CASQ2: variants seen among roughly 807,000 people sequenced by gnomAD.
The protein encoded by CASQ2 is calsequestrin 2.
Under a neutral mutation model 46.5 loss-of-function variants are expected in CASQ2, and 49 were observed. The ratio of observed to expected loss-of-function variants is 1.05; its 90% CI spans 0.84 to 1.34. The LOEUF (loss-of-function observed/expected upper bound fraction) is 1.34, where lower values mean the gene tolerates loss of function less well. CASQ2 is among the 40% of genes most tolerant of loss of function. The pLI is 0.00. For synonymous variants in CASQ2, 174 were observed against 168.5 expected (o/e 1.03, Z -0.25); for missense variants, 486 against 481.3 (o/e 1.01, Z -0.09).
At chr1:115,728,764 C>A (rs1647680700) in intron 5 of CASQ2, among the ~76,000 whole-genome samples, 1 of 152,114 alleles carries the variant, frequency 6.6e-6, no homozygotes, top group Non-Finnish European at 1.5e-5. Context: ...GAACCTGAGG[C>A]ACAATTTGGG....
At chr1:115,743,766 A>AT (rs35505775) in intron 2 of CASQ2, among the ~76,000 whole-genome samples, 106,855 of 149,126 alleles carry the variant, frequency 0.72, 41,694 homozygotes, top group Non-Finnish European at 0.88. Context: ...ATAACCCGCT[A>AT]TTTTTTTTAA....
At chr1:115,702,258 T>C (rs1654226311) in intron 10 of CASQ2, among the ~76,000 whole-genome samples, 1 of 152,196 alleles carries the variant, frequency 6.6e-6, no homozygotes, top group African/African-American at 2.4e-5. Flanking sequence ...CTTAATTAAG[T>C]ATGGCTCTAA....
chr1:115,759,995 G>T (rs1229040598), intron 1 of CASQ2, among the ~76,000 whole-genome samples: 1 of 152,192 alleles, frequency 6.6e-6, no homozygotes, highest in African/African-American at 2.4e-5. Context: ...TACTTCTCAA[G>T]TCCCAGATCA....
At position 115,742,851 on chromosome 1, in the gene CASQ2, C is replaced by T. The variant is rs148452678; in HGVS notation, c.319+1977G>A. Among the ~76,000 whole-genome samples the T allele has an allele frequency of 2.7e-3, 404 of 152,112 alleles. 3 individuals carry two copies. Among genetic ancestry groups the T allele is most frequent in the African/African-American group, 9.3e-3 (384 of 41,502 alleles). On this transcript the variant is annotated intron_variant, in intron 2 of 10. Coordinates refer to ENST00000261448, the MANE Select transcript of CASQ2 (RefSeq NM_001232.4). ...TCTCCCAGGCTGGAGTGCAGTGGTGCGATCTCGGCTCACTGCAAGCTCTGC... is the reference window on the plus strand; with the variant it reads ...TCTCCCAGGCTGGAGTGCAGTGGTGTGATCTCGGCTCACTGCAAGCTCTGC...
rs776715727 is a variant in CASQ2 at position 115,702,916 on chromosome 1, C to G, written c.1014+5G>C. 1 of 1,610,724 alleles carries G rather than the reference C, an allele frequency of 6.2e-7. No individual in the cohort carries two copies. The highest frequency in any genetic ancestry group is 8.5e-7 in the Non-Finnish European group (1 of 1,177,538). ...CCTGAGCAAGCCTTCACAGGGGATACTCACATCTGTGACATTCACCACCCC... is the reference window on the plus strand; with the variant it reads ...CCTGAGCAAGCCTTCACAGGGGATAGTCACATCTGTGACATTCACCACCCC... On this transcript the variant is annotated splice_donor_5th_base_variant and intron_variant, in intron 10 of 10. Coordinates refer to ENST00000261448, the MANE Select transcript of CASQ2 (RefSeq NM_001232.4).
chr1:115,755,107 T>C (rs1309602038), intron 1 of CASQ2, among the ~76,000 whole-genome samples: 1 of 152,232 alleles, frequency 6.6e-6, no homozygotes, highest in Non-Finnish European at 1.5e-5. Context: ...CAATCTTTTA[T>C]TGCGTAGCAT....
At chr1:115,745,153 G>A (rs1455133618) in intron 1 of CASQ2, among the ~76,000 whole-genome samples, 3 of 152,140 alleles carry the variant, frequency 2.0e-5, no homozygotes, top group Admixed American at 6.5e-5. Context: ...AGAAAATTTG[G>A]AAGAATATAT....
At position 115,700,645 on chromosome 1, in the gene CASQ2, G is replaced by A. The variant is rs1654176732; in HGVS notation, c.*596C>T. 5.0e-6 allele frequency: 1 copy of A among 201,634 alleles called. No individual in the cohort carries two copies. The highest frequency in any genetic ancestry group is 1.2e-4 in the South Asian group (1 of 8,054). 12.5% of individuals were successfully genotyped at this position (201,634 alleles called of 1,614,324 possible). A position where few individuals can be genotyped will look rare whatever the true frequency, so the allele number is the denominator to read the frequency against. ...GCCATCCAAAGGCTTGAATATCCAA[G>A]TTCATAGTGATATGAATGACCATCA... On this transcript the variant is annotated 3_prime_UTR_variant, in exon 11 of 11. Coordinates refer to ENST00000261448, the MANE Select transcript of CASQ2 (RefSeq NM_001232.4).
intron 2 of CASQ2, among the ~76,000 whole-genome samples, chr1:115,743,394 C>T (rs9919222): frequency 0.016 from 2,438 of 152,106 alleles, 77 homozygotes; most frequent in African/African-American, 0.056. Flanking sequence ...CAGGCACATG[C>T]CACCATGCCC....
At chr1:115,707,739 TAAAG>T (rs1163401477) in intron 8 of CASQ2, among the ~76,000 whole-genome samples, 4 of 152,054 alleles carry the variant, frequency 2.6e-5, no homozygotes, top group Admixed American at 2.0e-4. Flanking sequence ...CTGCAGAAAA[TAAAG>T]AAATGATAAT....
intron 1 of CASQ2, among the ~76,000 whole-genome samples, chr1:115,749,043 A>C (rs10801973): frequency 0.27 from 41,630 of 152,070 alleles, 6,105 homozygotes; most frequent in East Asian, 0.43. Context: ...AGATCTCAAG[A>C]CAGACTCTGA....
intron 1 of CASQ2, among the ~76,000 whole-genome samples, chr1:115,754,585 C>A (rs1648694186): frequency 6.6e-6 from 1 of 152,218 alleles, no homozygotes; most frequent in Non-Finnish European, 1.5e-5. Flanking sequence ...AGTGGTTAAC[C>A]AACTTGCCTG....
chr1:115,712,679 C>T (rs1488265972), intron 8 of CASQ2, among the ~76,000 whole-genome samples: 6 of 151,964 alleles, frequency 3.9e-5, no homozygotes, highest in Non-Finnish European at 7.4e-5. Context: ...AATCCCAGCA[C>T]TTTGGGAGGC....
chr1:115,726,692 A>G (rs1278433854), intron 6 of CASQ2, among the ~76,000 whole-genome samples: 1 of 152,248 alleles, frequency 6.6e-6, no homozygotes, highest in African/African-American at 2.4e-5. Context: ...GGTATATGGG[A>G]ACTTTCACTA....
Position 115,768,364 on chromosome 1 carries a change from C to G in CASQ2, c.178G>C (p.Val60Leu), listed in dbSNP as rs1649201569. The change falls in exon 1 of 11, where the codon GTG (valine) becomes CTG (leucine). Residue 60 changes from valine (V) to leucine (L), a missense_variant. Transcript: ENST00000261448. Reference sequence around the variant, plus strand: ...TTTTGCGTGACCTTATCTGAAGACACCGGCTCATGGTAGTAGAGGCAAAGC... The same window carrying G: ...TTTTGCGTGACCTTATCTGAAGACAGCGGCTCATGGTAGTAGAGGCAAAGC... Reference protein sequence around the residue: ...DLLCLYYHEPVSSDKVTQKQF... With the variant: ...DLLCLYYHEPLSSDKVTQKQF... 1 of 1,614,088 alleles carries G rather than the reference C, an allele frequency of 6.2e-7. No individual in the cohort carries two copies. The highest frequency in any genetic ancestry group is 1.7e-5 in the Admixed American group (1 of 60,010).
chr1:115,731,419 C>T (rs761970980), intron 5 of CASQ2, among the ~76,000 whole-genome samples: 22 of 152,322 alleles, frequency 1.4e-4, no homozygotes, highest in Non-Finnish European at 2.5e-4. Context: ...CCATTAGAAC[C>T]AAATGGTCCA....
chr1:115,768,367 G>T lies in CASQ2; in HGVS notation c.175C>A (p.Pro59Thr), dbSNP rs866858282. 1 of 1,613,910 alleles carries T rather than the reference G, an allele frequency of 6.2e-7. No homozygotes were observed. Among genetic ancestry groups the T allele is most frequent in the African/African-American group, 1.3e-5 (1 of 74,896 alleles). Residue 59 changes from proline (P) to threonine (T), a missense_variant, in exon 1 of 11, where the codon CCG becomes ACG. Transcript: ENST00000261448. ...YDLLCLYYHE[P>T]VSSDKVTQKQ... Reference sequence around the variant, plus strand: ...TGCGTGACCTTATCTGAAGACACCGGCTCATGGTAGTAGAGGCAAAGCAAG... The same window carrying T: ...TGCGTGACCTTATCTGAAGACACCGTCTCATGGTAGTAGAGGCAAAGCAAG...
intron 1 of CASQ2, among the ~76,000 whole-genome samples, chr1:115,748,201 T>C (rs768272399): frequency 6.6e-5 from 10 of 152,238 alleles, no homozygotes; most frequent in Admixed American, 1.3e-4. Context: ...CCCTCTACTT[T>C]CTTTTCTATG....
chr1:115,715,450 C>T (rs926714119), intron 8 of CASQ2, among the ~76,000 whole-genome samples: 2 of 152,146 alleles, frequency 1.3e-5, no homozygotes, highest in African/African-American at 4.8e-5. Context: ...TGAAAGATGC[C>T]ACACACAAAA....
Sources: allele counts gnomAD v4.1 joint callset (sites outside exome capture counted in the v4.1 genomes callset), GRCh38; gene constraint gnomAD v4.1.1; transcripts MANE v1.5; gene names NCBI Gene and HGNC (gene_info 2026-07-23, HGNC 2026-07-21).